The following TMOD3 variants were observed in gnomAD, a reference collection of about 807,000 sequenced individuals.
The protein encoded by TMOD3 is tropomodulin-3.
TMOD3 carries 20 observed loss-of-function variants against 39.2 expected under a neutral mutation model. The observed-to-expected ratio is 0.51, with a 90% CI of 0.36 to 0.74. TMOD3 has a LOEUF of 0.74. Ranked by LOEUF, TMOD3 falls within the 30% of genes least tolerant of loss-of-function variation. The probability of loss-of-function intolerance (pLI) is 0.00; values close to 1 mark genes in which losing one functional copy is unlikely to be tolerated. For synonymous variants in TMOD3, 143 were observed against 145.8 expected (o/e 0.98, Z 0.14); for missense variants, 381 against 412.8 (o/e 0.92, Z 0.67).
At chr15:51,871,509 T>G (rs2141690694) in intron 3 of TMOD3, among the ~76,000 whole-genome samples, 1 of 152,162 alleles carries the variant, frequency 6.6e-6, no homozygotes, top group African/African-American at 2.4e-5. Context: ...AGAAAAAAAC[T>G]ATGGAATTTG....
At chr15:51,894,629 T>G (rs1458305636) in intron 6 of TMOD3, among the ~76,000 whole-genome samples, 1 of 152,198 alleles carries the variant, frequency 6.6e-6, no homozygotes, top group East Asian at 1.9e-4. Flanking sequence ...TCTTTCCCTA[T>G]TATTTTGCCT....
intron 1 of TMOD3, among the ~76,000 whole-genome samples, chr15:51,838,541 C>T (rs1021581197): frequency 5.9e-5 from 9 of 152,140 alleles, no homozygotes; most frequent in African/African-American, 2.2e-4. Context: ...TTGAAAGTCT[C>T]TGTCCTCTCT....
chr15:51,903,709 G>A (rs754604367), intron 9 of TMOD3, among the ~76,000 whole-genome samples: 51 of 152,230 alleles, frequency 3.4e-4, no homozygotes, highest in Admixed American at 5.9e-4. Flanking sequence ...TCCTTCAGGC[G>A]TTTAATTTGG....
At chr15:51,886,562 A>G (rs2056564925) in intron 3 of TMOD3, among the ~76,000 whole-genome samples, 1 of 152,212 alleles carries the variant, frequency 6.6e-6, no homozygotes, top group Non-Finnish European at 1.5e-5. Context: ...GGCACTGGGC[A>G]GGCTGAGGCA....
intron 9 of TMOD3, among the ~76,000 whole-genome samples, chr15:51,907,020 CA>C (rs11419380): frequency 1.6e-3 from 180 of 116,012 alleles, no homozygotes; most frequent in Non-Finnish European, 1.8e-3. Context: ...AACTCCGTCT[CA>C]AAAAAAAAAA....
intron 3 of TMOD3, among the ~76,000 whole-genome samples, chr15:51,878,400 G>GTGTGTGTGTT (rs2056516356): frequency 6.6e-6 from 1 of 151,982 alleles, no homozygotes; most frequent in Non-Finnish European, 1.5e-5. Context: ...GTGTGTGTGT[G>GTGTGTGTGTT]TGTGTGTAAA....
rs954669417 is a variant in TMOD3, at chr15:51,859,381, A to G, written c.-74-3430A>G. The stretch of plus-strand genomic sequence containing the variant: ...CCAAACTCTCTCAAAGCCCTCTCAT[A>G]ATATTCTCTTAATGTTCACCATCTT... On this transcript the variant is annotated intron_variant, in intron 1 of 9. Transcript: ENST00000308580. The G allele has an allele frequency of 5.8e-5, 40 of 691,598 alleles. No individual in the cohort carries two copies. In the Admixed American group the frequency reaches 6.9e-4, roughly 12 times the overall value. The allele number at this position is 691,598 out of a possible 1,614,324, so 42.8% of individuals were successfully genotyped here. A position where few individuals can be genotyped will look rare whatever the true frequency, so the allele number is the denominator to read the frequency against.
chr15:51,838,975 A>T (rs2056299795), intron 1 of TMOD3, among the ~76,000 whole-genome samples: 1 of 151,976 alleles, frequency 6.6e-6, no homozygotes, highest in Non-Finnish European at 1.5e-5. Context: ...TGGCTTTGTT[A>T]TGTTGTTTCT....
At chr15:51,844,938 A>G (rs950751465) in intron 1 of TMOD3, among the ~76,000 whole-genome samples, 6 of 151,966 alleles carry the variant, frequency 3.9e-5, no homozygotes, top group African/African-American at 1.2e-4. Context: ...TACTTTGTTC[A>G]TTTTTTAAGT....
chr15:51,844,334 A>G (rs1276925892), intron 1 of TMOD3, among the ~76,000 whole-genome samples: 2 of 152,194 alleles, frequency 1.3e-5, no homozygotes, highest in Non-Finnish European at 2.9e-5. Context: ...AAAGTGGGTC[A>G]CAGTTGAGGA....
intron 1 of TMOD3, chr15:51,860,438 A>G (rs892146776): frequency 3.6e-6 from 2 of 557,768 alleles, no homozygotes; most frequent in African/African-American, 1.9e-5. Flanking sequence ...GCTCCATCCT[A>G]AAGTAGTCTT....
chr15:51,873,425 T>C (rs2056486237), intron 3 of TMOD3, among the ~76,000 whole-genome samples: 1 of 152,242 alleles, frequency 6.6e-6, no homozygotes, highest in Non-Finnish European at 1.5e-5. Context: ...TTCATAAAAG[T>C]TTGCAAACCT....
intron 9 of TMOD3, among the ~76,000 whole-genome samples, chr15:51,902,652 T>G (rs1300623359): frequency 6.3e-5 from 8 of 127,058 alleles, no homozygotes; most frequent in South Asian, 2.5e-4. Context: ...GTATTTTTTT[T>G]TTTTTTTTTT....
intron 1 of TMOD3, among the ~76,000 whole-genome samples, chr15:51,840,277 G>A (rs749926174): frequency 6.6e-6 from 1 of 152,100 alleles, no homozygotes; most frequent in Non-Finnish European, 1.5e-5. Flanking sequence ...CTCAGTCTCT[G>A]CGCTTAATTG....
chr15:51,894,689 T>A (rs1172419805), intron 6 of TMOD3, among the ~76,000 whole-genome samples: 1 of 152,196 alleles, frequency 6.6e-6, no homozygotes, highest in Non-Finnish European at 1.5e-5. Context: ...GCCTTTTGGG[T>A]CTGGCTTCTT....
chr15:51,850,343 A>G (rs1445250906), intron 1 of TMOD3, among the ~76,000 whole-genome samples: 1 of 152,186 alleles, frequency 6.6e-6, no homozygotes, highest in Non-Finnish European at 1.5e-5. Context: ...GATTGGCCTT[A>G]GGTAAGAGAC....
chr15:51,907,894 C>A (rs556696906), intron 9 of TMOD3, among the ~76,000 whole-genome samples: 7 of 152,204 alleles, frequency 4.6e-5, no homozygotes, highest in African/African-American at 1.7e-4. Context: ...CCGTTCTTTG[C>A]TGTAAAAGCT....
At chr15:51,853,421 A>G (rs1317891386) in intron 1 of TMOD3, among the ~76,000 whole-genome samples, 1 of 152,106 alleles carries the variant, frequency 6.6e-6, no homozygotes, top group African/African-American at 2.4e-5. Flanking sequence ...GGCTCGTCTC[A>G]AACTCCTGGA....
intron 1 of TMOD3, among the ~76,000 whole-genome samples, chr15:51,830,473 G>A (rs1166081709): frequency 1.3e-5 from 2 of 152,150 alleles, no homozygotes; most frequent in Non-Finnish European, 1.5e-5. Flanking sequence ...TCCTCCGCAA[G>A]CCTGCATTCT....
Sources: gnomAD v4.1 joint callset for allele counts (sites outside exome capture counted in the v4.1 genomes callset) on GRCh38, gnomAD v4.1.1 for gene constraint, MANE v1.5 for transcripts, NCBI Gene and HGNC (gene_info 2026-07-23, HGNC 2026-07-21) for gene names.